KANK1: variants seen among roughly 807,000 people sequenced by gnomAD.
KANK1 encodes the protein KN motif and ankyrin repeat domains 1, also known as KN motif and ankyrin repeat domain-containing protein 1.
Under a neutral mutation model 106.2 loss-of-function variants are expected in KANK1, and 109 were observed. That is an observed-to-expected ratio of 1.03 (90% CI 0.88 to 1.20). KANK1 has a LOEUF of 1.20. Ranked by LOEUF, KANK1 falls within the 50% of genes most tolerant of loss-of-function variation. The pLI is 0.00. For missense variants in KANK1, 2,399 were observed against 1,710.7 expected (o/e 1.40, Z -7.10); for synonymous variants, 873 against 652.2 (o/e 1.34, Z -5.16).
At chr9:514,099 A>ACTCCCTCCCTCTCTTC (rs1563696528) in intron 1 of KANK1, among the ~76,000 whole-genome samples, 4 of 109,550 alleles carry the variant, frequency 3.7e-5, no homozygotes, top group Non-Finnish European at 7.5e-5. Context: ...TCCTTCTCTT[A>ACTCCCTCCCTCTCTTC]CTCCCTCCCT....
chr9:534,274 G>A (rs1237142441), intron 1 of KANK1, among the ~76,000 whole-genome samples: 1 of 152,212 alleles, frequency 6.6e-6, no homozygotes, highest in African/African-American at 2.4e-5. Context: ...CAATGGAATT[G>A]TTAGAAGAAC....
chr9:640,138 T>C (rs558177005), intron 1 of KANK1, among the ~76,000 whole-genome samples: 14 of 152,226 alleles, frequency 9.2e-5, no homozygotes, highest in Non-Finnish European at 2.1e-4. Flanking sequence ...TTCCCAACTC[T>C]ATGCTTCATG....
upstream of KANK1, chr9:504,640 A>G (rs1318883610): frequency 4.0e-5 from 6 of 150,746 alleles, no homozygotes; most frequent in Admixed American, 3.3e-4. Flanking sequence ...TCGGGCTTTA[A>G]TTCTGGCGCT....
intron 1 of KANK1, among the ~76,000 whole-genome samples, chr9:511,692 C>T (rs950508519): frequency 1.3e-5 from 2 of 152,176 alleles, no homozygotes; most frequent in African/African-American, 4.8e-5. Flanking sequence ...CTAATACTCA[C>T]ACATAGTGTA....
chr9:495,028 C>G (rs549443322), intron 3 of KANK1, among the ~76,000 whole-genome samples: 1 of 152,202 alleles, frequency 6.6e-6, no homozygotes, highest in Non-Finnish European at 1.5e-5. Context: ...TGCAAAGTAA[C>G]TAGGTGAACT....
At chr9:627,040 C>G (rs1374523120) in intron 1 of KANK1, among the ~76,000 whole-genome samples, 1 of 149,290 alleles carries the variant, frequency 6.7e-6, no homozygotes, top group African/African-American at 2.5e-5. Context: ...TTCTTGTACC[C>G]TTTATTCCAA....
chr9:635,567 A>C (rs1836900740), intron 1 of KANK1, among the ~76,000 whole-genome samples: 2 of 152,194 alleles, frequency 1.3e-5, no homozygotes, highest in South Asian at 4.1e-4. Flanking sequence ...TTCAAAATGG[A>C]ATAATAGTGT....
At chr9:575,008 T>G in intron 1 of KANK1, among the ~76,000 whole-genome samples, 1 of 152,230 alleles carries the variant, frequency 6.6e-6, no homozygotes, top group East Asian at 1.9e-4. Flanking sequence ...TTCTGAATTT[T>G]GAGAAGGCTA....
At chr9:606,835 G>T (rs1222651955) in intron 1 of KANK1, among the ~76,000 whole-genome samples, 1 of 151,458 alleles carries the variant, frequency 6.6e-6, no homozygotes, top group Non-Finnish European at 1.5e-5. Flanking sequence ...CATATGCCAG[G>T]TACTGTTCTT....
chr9:691,630 T>TTTTTTTTTTTTG (rs59652466), intron 2 of KANK1, among the ~76,000 whole-genome samples: 1 of 147,598 alleles, frequency 6.8e-6, no homozygotes, highest in Non-Finnish European at 1.5e-5. Flanking sequence ...TTTTTTTTTT[T>TTTTTTTTTTTTG]GAGACCAGAG....
intron 1 of KANK1, among the ~76,000 whole-genome samples, chr9:608,427 A>G (rs568687844): frequency 1.3e-5 from 2 of 151,916 alleles, no homozygotes; most frequent in South Asian, 4.1e-4. Context: ...TTAAAGAGCT[A>G]AAAGAAATCA....
intron 1 of KANK1, among the ~76,000 whole-genome samples, chr9:574,139 C>T (rs560379434): frequency 3.3e-5 from 5 of 152,324 alleles, no homozygotes; most frequent in African/African-American, 4.8e-5. Flanking sequence ...TGTTCTCTGC[C>T]GCACATGTTT....
chr9:590,201 A>T (rs895896207), intron 1 of KANK1, among the ~76,000 whole-genome samples: 1 of 152,138 alleles, frequency 6.6e-6, no homozygotes, highest in African/African-American at 2.4e-5. Context: ...TTTAGGGGGT[A>T]CATGGTTTTT....
intron 1 of KANK1, among the ~76,000 whole-genome samples, chr9:532,795 C>T (rs1179399303): frequency 2.0e-5 from 3 of 152,086 alleles, no homozygotes; most frequent in African/African-American, 7.2e-5. Flanking sequence ...TTCCAGATTT[C>T]TGGAGTGTGG....
At chr9:517,412 G>A (rs1048249564) in intron 1 of KANK1, among the ~76,000 whole-genome samples, 1 of 151,658 alleles carries the variant, frequency 6.6e-6, no homozygotes, top group African/African-American at 2.4e-5. Context: ...TGCAAGCTGT[G>A]TTTTGTCGGG....
At chr9:481,116 A>G (rs995377199) in intron 3 of KANK1, among the ~76,000 whole-genome samples, 2 of 152,252 alleles carry the variant, frequency 1.3e-5, no homozygotes, top group African/African-American at 4.8e-5. Flanking sequence ...AATAAAGTGT[A>G]GAATATCTCA....
At chr9:557,897 TG>T (rs1171512788) in intron 1 of KANK1, among the ~76,000 whole-genome samples, 1 of 152,142 alleles carries the variant, frequency 6.6e-6, no homozygotes, top group Non-Finnish European at 1.5e-5. Flanking sequence ...CTCAGCGACT[TG>T]GGCGGCTGAG....
At chr9:632,735 G>A (rs2136847710) in intron 1 of KANK1, among the ~76,000 whole-genome samples, 1 of 152,246 alleles carries the variant, frequency 6.6e-6, no homozygotes, top group South Asian at 2.1e-4. Flanking sequence ...TGTTGCCCAG[G>A]CTGTAGTGCA....
intron 1 of KANK1, among the ~76,000 whole-genome samples, chr9:655,642 A>G (rs1022712163): frequency 3.9e-5 from 6 of 152,210 alleles, no homozygotes; most frequent in African/African-American, 1.4e-4. Flanking sequence ...CACTTTGAGT[A>G]GTGAGGTGGT....
Sources: gnomAD v4.1 joint callset for allele counts (sites outside exome capture counted in the v4.1 genomes callset) on GRCh38, gnomAD v4.1.1 for gene constraint, MANE v1.5 for transcripts, NCBI Gene and HGNC (gene_info 2026-07-23, HGNC 2026-07-21) for gene names.